The following KANK1 variants were observed in gnomAD, a reference collection of about 807,000 sequenced individuals.
The protein encoded by KANK1 is KN motif and ankyrin repeat domains 1.
Under a neutral mutation model 106.2 loss-of-function variants are expected in KANK1, and 109 were observed. The observed-to-expected ratio is 1.03, with a 90% confidence interval of 0.88 to 1.20. The LOEUF is 1.20. KANK1 is among the 50% of genes most tolerant of loss of function. The probability of loss-of-function intolerance (pLI) is 0.00; values close to 1 mark genes in which losing one functional copy is unlikely to be tolerated. For synonymous variants in KANK1, 873 were observed against 652.2 expected, an observed-to-expected ratio of 1.34 and a Z score of -5.16; for missense variants, 2,399 against 1,710.7, an observed-to-expected ratio of 1.40 and a Z score of -7.10.
chr9:479,616 C>T (rs1200373043), intron 3 of KANK1, among the ~76,000 whole-genome samples: 2 of 152,180 alleles, frequency 1.3e-5, no homozygotes, highest in African/African-American at 4.8e-5. Flanking sequence ...ATACAAATTG[C>T]AAGGGACAAA....
chr9:667,719 G>C (rs1292381365), intron 1 of KANK1, among the ~76,000 whole-genome samples: 1 of 142,064 alleles, frequency 7.0e-6, no homozygotes, highest in Non-Finnish European at 1.5e-5. Context: ...CCATGTTTTT[G>C]TTTAATTTCC....
chr9:668,366 A>G (rs1246477429), intron 1 of KANK1, among the ~76,000 whole-genome samples: 1 of 131,766 alleles, frequency 7.6e-6, no homozygotes, highest in African/African-American at 2.9e-5. Context: ...CTCTCTTTGT[A>G]TCTATTAATG....
chr9:534,457 C>T (rs757737580), intron 1 of KANK1, among the ~76,000 whole-genome samples: 12 of 152,054 alleles, frequency 7.9e-5, no homozygotes, highest in East Asian at 5.8e-4. Flanking sequence ...GAGATTTTCT[C>T]GAAAGAAAAG....
At chr9:493,438 T>C (rs2058410025) in intron 3 of KANK1, among the ~76,000 whole-genome samples, 2 of 151,870 alleles carry the variant, frequency 1.3e-5, no homozygotes, top group Admixed American at 1.3e-4. Flanking sequence ...GATTGCAACC[T>C]TATCAGAGAC....
chr9:513,760 A>G (rs1295734359), intron 1 of KANK1, among the ~76,000 whole-genome samples: 1 of 152,234 alleles, frequency 6.6e-6, no homozygotes, highest in Admixed American at 6.5e-5. Context: ...AATTAGAACA[A>G]AAGTAGATAC....
chr9:527,374 T>A (rs1177995185), intron 1 of KANK1, among the ~76,000 whole-genome samples: 1 of 151,852 alleles, frequency 6.6e-6, no homozygotes, highest in East Asian at 1.9e-4. Context: ...CGATCTTGGC[T>A]CGCGGCAGCC....
At chr9:656,086 A>G (rs1842077491) in intron 1 of KANK1, among the ~76,000 whole-genome samples, 1 of 152,178 alleles carries the variant, frequency 6.6e-6, no homozygotes, top group Non-Finnish European at 1.5e-5. Flanking sequence ...TCTTGCTGTC[A>G]GACCGCAGGC....
Position 738,507 on chromosome 9 carries a change from A to C in KANK1, c.3553+3A>C. On this transcript the variant is annotated splice_donor_region_variant and intron_variant, in intron 8 of 11. Coordinates refer to ENST00000382297, the MANE Select transcript of KANK1 (RefSeq NM_015158.5). ...TGTGAAGCTGCTGTTAGATGCCGGT[A>C]TGTTGGCTGCCCTTCCACCCTCTCT... is the stretch of plus-strand genomic sequence containing the variant. 6.2e-7 allele frequency: 1 copy of C among 1,611,284 alleles called. No homozygotes were observed. Among genetic ancestry groups the C allele is most frequent in the South Asian group, 1.1e-5 (1 of 91,016 alleles).
chr9:650,678 G>C (rs780718509), intron 1 of KANK1, among the ~76,000 whole-genome samples: 1 of 152,154 alleles, frequency 6.6e-6, no homozygotes, highest in African/African-American at 2.4e-5. Context: ...GTTTTAGCTA[G>C]AGGTTAGGGT....
intron 1 of KANK1, among the ~76,000 whole-genome samples, chr9:663,804 G>A (rs991199677): frequency 2.6e-5 from 4 of 152,314 alleles, no homozygotes; most frequent in East Asian, 1.9e-4. Context: ...TTCCTTGGCA[G>A]TGCAGCCCTT....
At chr9:534,994 G>A (rs993021081) in intron 1 of KANK1, among the ~76,000 whole-genome samples, 8 of 152,166 alleles carry the variant, frequency 5.3e-5, no homozygotes, top group African/African-American at 1.7e-4. Context: ...GTCTTTCTTT[G>A]AGGATGCCCC....
rs759354027 is a variant in KANK1 at position 745,162 on chromosome 9, C to T, written c.3997-11C>T. On this transcript the variant is annotated splice_polypyrimidine_tract_variant and intron_variant, in intron 11 of 11. Coordinates refer to ENST00000382297, the MANE Select transcript of KANK1 (RefSeq NM_015158.5). ...ATTAACCCCCAGTTTTTTTCCTTTC[C>T]TGGTCTCTAGGGCACCCCTAGGCTT... The T allele has an allele frequency of 4.3e-6, 7 of 1,612,250 alleles. No individual in the cohort carries two copies. The highest frequency in any genetic ancestry group is 3.4e-5 in the Admixed American group (2 of 59,642).
chr9:488,468 T>C (rs986356464), intron 3 of KANK1, among the ~76,000 whole-genome samples: 2 of 152,230 alleles, frequency 1.3e-5, no homozygotes, highest in Non-Finnish European at 2.9e-5. Context: ...CAGATTGTCT[T>C]ATTCTAACTT....
intron 1 of KANK1, among the ~76,000 whole-genome samples, chr9:505,684 G>A (rs1272492236): frequency 6.6e-6 from 1 of 152,234 alleles, no homozygotes; most frequent in Non-Finnish European, 1.5e-5. Context: ...ACAATTTATG[G>A]CGTCCGCCAG....
chr9:728,658 A>G (rs1346038976), intron 3 of KANK1, among the ~76,000 whole-genome samples: 1 of 152,196 alleles, frequency 6.6e-6, no homozygotes, highest in Non-Finnish European at 1.5e-5. Flanking sequence ...TACCATCTAT[A>G]TAGAGGTCTG....
chr9:533,691 T>TCTGTCAAA (rs2060167176), intron 1 of KANK1, among the ~76,000 whole-genome samples: 1 of 152,178 alleles, frequency 6.6e-6, no homozygotes, highest in South Asian at 2.1e-4. Context: ...GGAGGCCCAG[T>TCTGTCAAA]CTGTCAAAAC....
intron 1 of KANK1, among the ~76,000 whole-genome samples, chr9:548,269 T>G (rs1483820062): frequency 2.0e-5 from 3 of 152,220 alleles, no homozygotes; most frequent in Non-Finnish European, 4.4e-5. Flanking sequence ...CAAAAGATTT[T>G]TCTCACTTCA....
intron 1 of KANK1, among the ~76,000 whole-genome samples, chr9:551,334 C>A (rs544520530): frequency 6.6e-6 from 1 of 151,912 alleles, no homozygotes; most frequent in Non-Finnish European, 1.5e-5. Flanking sequence ...CAGAGTCAAT[C>A]TACTAGTTTG....
intron 1 of KANK1, among the ~76,000 whole-genome samples, chr9:604,902 T>A (rs1828701809): frequency 1.3e-5 from 2 of 151,866 alleles, no homozygotes; most frequent in Admixed American, 6.5e-5. Context: ...AAACCTTTTT[T>A]CTTCATAAAT....
Sources: gnomAD v4.1 joint callset for allele counts (sites outside exome capture counted in the v4.1 genomes callset) on GRCh38, gnomAD v4.1.1 for gene constraint, MANE v1.5 for transcripts, NCBI Gene and HGNC (gene_info 2026-07-23, HGNC 2026-07-21) for gene names.